The following FABP2 variants were observed in gnomAD, a reference collection of about 807,000 sequenced individuals.
FABP2 encodes fatty acid-binding protein, intestinal.
A neutral mutation model predicts 16.1 loss-of-function variants in FABP2; 11 were observed. That is an observed-to-expected ratio of 0.68 (90% CI 0.43 to 1.13). FABP2 has a LOEUF of 1.13. Among genes scored for constraint, FABP2 ranks in the 50% most tolerant of loss-of-function variants. The pLI is 0.00. For synonymous variants in FABP2, 45 were observed against 50.9 expected, an observed-to-expected ratio of 0.88 and a Z score of 0.49; for missense variants, 146 against 155.1, an observed-to-expected ratio of 0.94 and a Z score of 0.31.
At chr4:119,320,587 A>T (rs991475796) in intron 2 of FABP2, 83 bp downstream of exon 2, 1 of 1,122,018 alleles carries the variant, frequency 8.9e-7, no homozygotes, top group South Asian at 1.5e-5. Flanking sequence ...TAATTAAACC[A>T]TCCAATGAAA....
intron 3 of FABP2, 124 bp from the exon 4 acceptor site, chr4:119,319,215 T>A (rs551719655): frequency 8.6e-5 from 34 of 397,020 alleles, no homozygotes; most frequent in African/African-American, 7.0e-4. Flanking sequence ...TTCATATATA[T>A]TATATGAGTA....
rs1755602580 is a variant in FABP2 at position 119,317,721 on chromosome 4, T to C, written c.*1320A>G. On this transcript the variant is annotated 3_prime_UTR_variant, in exon 4 of 4. Coordinates refer to ENST00000274024, the MANE Select transcript of FABP2 (RefSeq NM_000134.4). The stretch of plus-strand genomic sequence containing the variant: ...GTTGCAGCTGCAAATGCTTAAAAAT[T>C]GTACCCCCTCTCCATCCCCTAATAT... 1 of 152,046 alleles carries C rather than the reference T, an allele frequency of 6.6e-6. No individual in the cohort carries two copies. Among genetic ancestry groups the C allele is most frequent in the Non-Finnish European group, 1.5e-5 (1 of 67,972 alleles). 9.4% of individuals were successfully genotyped at this position (152,046 alleles called of 1,614,324 possible).
chr4:119,320,904 C>G, intron 1 of FABP2, 62 bp from the exon 2 acceptor site: 2 of 1,370,242 alleles, frequency 1.5e-6, no homozygotes, highest in Non-Finnish European at 1.9e-6. Context: ...TTTATTTTTC[C>G]AAGTTATGTT....
Position 119,319,566 on chromosome 4 carries a change from G to A in FABP2, c.318C>T (p.Val106=). 6.4e-7 allele frequency: 1 copy of A among 1,561,810 alleles called. No homozygotes were observed. Among genetic ancestry groups the A allele is most frequent in the South Asian group, 1.2e-5 (1 of 85,902 alleles). The change falls in exon 3 of 4, where the codon GTC becomes GTT. Residue 106 remains valine (V), a synonymous_variant. Coordinates refer to ENST00000274024, the MANE Select transcript of FABP2 (RefSeq NM_000134.4). The stretch of plus-strand genomic sequence containing the variant: ...CTAGTTCATCACCTATAATTTCTCG[G>A]ACAGTATTCAGTTCGTTTCCATTGT... ...RTDNGNELNT[V]REIIGDELVQ...
chr4:119,319,159 T>G lies in FABP2; in HGVS notation c.349-68A>C, dbSNP rs568097922. On this transcript the variant is annotated intron_variant, in intron 3 of 3. Transcript: ENST00000274024. ...ACATCTAAGTTAAGAAAAAGTAGTA[T>G]TATAGTTTTATACTATATGAGTTTA... The G allele has an allele frequency of 4.5e-4, 415 of 923,270 alleles. 1 individual carries two copies. Among genetic ancestry groups the G allele is most frequent in the Non-Finnish European group, 5.0e-4 (299 of 603,572 alleles). 57.2% of individuals were successfully genotyped at this position (923,270 alleles called of 1,614,324 possible). A position where few individuals can be genotyped will look rare whatever the true frequency, so the allele number is the denominator to read the frequency against.
intron 1 of FABP2, among the ~76,000 whole-genome samples, chr4:119,321,273 T>G (rs1339130078): frequency 6.6e-6 from 1 of 152,124 alleles, no homozygotes; most frequent in East Asian, 1.9e-4. Context: ...GGCTTTAACA[T>G]TTTGAACTTT....
At chr4:119,321,632 G>C (rs974516590) in intron 1 of FABP2, among the ~76,000 whole-genome samples, 2 of 152,064 alleles carry the variant, frequency 1.3e-5, no homozygotes, top group African/African-American at 4.8e-5. Flanking sequence ...TAAATTTTAA[G>C]AGAACCTTTT....
chr4:119,319,292 T>A (rs1755627216), intron 3 of FABP2, among the ~76,000 whole-genome samples: 1 of 151,814 alleles, frequency 6.6e-6, no homozygotes, highest in Non-Finnish European at 1.5e-5. Context: ...ACAGCCATTT[T>A]AAAACACATG....
intron 2 of FABP2, 83 bp downstream of exon 2, chr4:119,320,587 A>C (rs991475796): frequency 1.8e-6 from 2 of 1,122,136 alleles, no homozygotes. Flanking sequence ...TAATTAAACC[A>C]TCCAATGAAA....
chr4:119,320,707 G>A lies in FABP2; in HGVS notation c.203C>T (p.Thr68Ile), dbSNP rs1263899956. ...NIEVVFELGV[T>I]FNYNLADGTE... ...TCCGTCTGCTAGATTGTAATTAAAG[G>A]TGACACCAAGTTCAAAAACAACTTC... Residue 68 changes from threonine (T) to isoleucine (I), a missense_variant, in exon 2 of 4, where the codon ACC (threonine) becomes ATC (isoleucine). Physicochemically the swap from Thr to Ile is moderately conservative, Grantham distance 89. Coordinates refer to ENST00000274024, the MANE Select transcript of FABP2 (RefSeq NM_000134.4). The A allele has an allele frequency of 1.2e-6, 2 of 1,600,224 alleles. No individual in the cohort carries two copies. The highest frequency in any genetic ancestry group is 2.3e-5 in the East Asian group (1 of 44,146).
chr4:119,321,901 A>T (rs1158869157), intron 1 of FABP2, 135 bp downstream of exon 1: 1 of 644,204 alleles, frequency 1.6e-6, no homozygotes, highest in Non-Finnish European at 2.7e-6. Context: ...CCCTCCTCTG[A>T]ACATCTTCTG....
chr4:119,318,984 G>C lies in FABP2; in HGVS notation c.*57C>G. 1 of 1,348,350 alleles carries C rather than the reference G, an allele frequency of 7.4e-7. No homozygotes were observed. 83.5% of individuals were successfully genotyped at this position (1,348,350 alleles called of 1,614,324 possible). The stretch of plus-strand genomic sequence containing the variant: ...TGATGGGGTGAAATAAATAGTTCTG[G>C]TACAATATAGATCTTCTGTCCAATT... On this transcript the variant is annotated 3_prime_UTR_variant, in exon 4 of 4. Coordinates refer to ENST00000274024, the MANE Select transcript of FABP2 (RefSeq NM_000134.4).
intron 3 of FABP2, 149 bp downstream of exon 3, chr4:119,319,387 G>C (rs1051106687): frequency 6.0e-5 from 28 of 463,854 alleles, no homozygotes; most frequent in Non-Finnish European, 9.7e-5. Flanking sequence ...ATAGGCATCA[G>C]AAAATAGCTA....
At position 119,317,868 on chromosome 4, in the gene FABP2, C is replaced by T. The variant is rs1001663459; in HGVS notation, c.*1173G>A. 1.3e-5 allele frequency: 2 copies of T among 151,820 alleles called. No individual in the cohort carries two copies. Among genetic ancestry groups the T allele is most frequent in the Non-Finnish European group, 2.9e-5 (2 of 67,922 alleles). 9.4% of individuals were successfully genotyped at this position (151,820 alleles called of 1,614,324 possible). On this transcript the variant is annotated 3_prime_UTR_variant, in exon 4 of 4. Coordinates refer to ENST00000274024, the MANE Select transcript of FABP2 (RefSeq NM_000134.4). ...AATGTATGTGTTTATGTGAAAAAAC[C>T]CACAACAACAAAAAAGAAGGGGGTG...
chr4:119,319,835 TCA>T (rs1237233698), intron 2 of FABP2, among the ~76,000 whole-genome samples, 192 bp from the exon 3 acceptor site: 2 of 151,978 alleles, frequency 1.3e-5, no homozygotes, highest in Non-Finnish European at 2.9e-5. Context: ...TCACCTAAAG[TCA>T]CAGAGTGAGG....
At chr4:119,319,209 T>C in intron 3 of FABP2, 118 bp from the exon 4 acceptor site, 1 of 405,966 alleles carries the variant, frequency 2.5e-6, no homozygotes, top group Non-Finnish European at 4.1e-6. Flanking sequence ...TATATATTCA[T>C]ATATATTATA....
rs1755630400 is a variant in FABP2, at chr4:119,319,543, A to G, written c.341T>C (p.Leu114Pro). 2 of 1,560,178 alleles carry G rather than the reference A, an allele frequency of 1.3e-6. No homozygotes were observed. Among genetic ancestry groups the G allele is most frequent in the Non-Finnish European group, 1.7e-6 (2 of 1,150,382 alleles). ...ATAAATTTGACAACTCACCTGGACTAGTTCATCACCTATAATTTCTCGGAC... is the reference window on the plus strand; with the variant it reads ...ATAAATTTGACAACTCACCTGGACTGGTTCATCACCTATAATTTCTCGGAC... Reference protein sequence around the residue: ...NTVREIIGDELVQTYVYEGVE... With the variant: ...NTVREIIGDEPVQTYVYEGVE... The change falls in exon 3 of 4, where the codon CTA becomes CCA. Residue 114 changes from leucine (L) to proline (P), a missense_variant. By Grantham distance (98) the Leu-to-Pro change is moderately conservative. Coordinates refer to ENST00000274024, the MANE Select transcript of FABP2 (RefSeq NM_000134.4).
At chr4:119,320,562 G>A in intron 2 of FABP2, 108 bp downstream of exon 2, 2 of 845,644 alleles carry the variant, frequency 2.4e-6, no homozygotes, top group South Asian at 3.6e-5. Context: ...TTCAGTTAGT[G>A]AAGGAGACCT....
chr4:119,319,661 T>TAAG lies in FABP2; in HGVS notation c.241-19_241-18insCTT. On this transcript the variant is annotated intron_variant, in intron 2 of 3. Transcript: ENST00000274024. ...CAGGTCCCCTACATAATAATAATAA[T>TAAG]AATAATAATAATAATAATGGCATTT... 1 of 1,006,316 alleles carries TAAG rather than the reference T, an allele frequency of 9.9e-7. No homozygotes were observed. The allele number at this position is 1,006,316 out of a possible 1,614,324, so 62.3% of individuals were successfully genotyped here.
Sources: allele counts gnomAD v4.1 joint callset (sites outside exome capture counted in the v4.1 genomes callset), GRCh38; gene constraint gnomAD v4.1.1; transcripts MANE v1.5; gene names NCBI Gene and HGNC (gene_info 2026-07-23, HGNC 2026-07-21).